ATP8A1: variants seen among roughly 807,000 people sequenced by gnomAD.
ATP8A1 encodes phospholipid-transporting ATPase IA.
Under a neutral mutation model 177.7 loss-of-function variants are expected in ATP8A1, and 90 were observed. That is an observed-to-expected ratio of 0.51 (90% CI 0.43 to 0.60). The LOEUF is 0.60. Among genes scored for constraint, ATP8A1 ranks in the 20% least tolerant of loss-of-function variants. ATP8A1 has a pLI of 0.00. For synonymous variants in ATP8A1, 493 were observed against 485.9 expected (o/e 1.01, Z -0.19); for missense variants, 1,072 against 1,392.8 (o/e 0.77, Z 3.67).
chr4:42,468,392 G>C (rs566928350), intron 25 of ATP8A1, among the ~76,000 whole-genome samples: 18 of 151,580 alleles, frequency 1.2e-4, no homozygotes, highest in African/African-American at 4.4e-4. Context: ...ATGTATGTGT[G>C]TGTATATATT....
At chr4:42,528,318 AAAATAGT>A (rs1295321399) in intron 20 of ATP8A1, among the ~76,000 whole-genome samples, 2 of 152,182 alleles carry the variant, frequency 1.3e-5, no homozygotes, top group Admixed American at 1.3e-4. Flanking sequence ...TCTCCCTAGA[AAAATAGT>A]AAATCAAAAA....
At chr4:42,616,385 G>A (rs918966983) in intron 4 of ATP8A1, among the ~76,000 whole-genome samples, 1 of 152,134 alleles carries the variant, frequency 6.6e-6, no homozygotes, top group African/African-American at 2.4e-5. Flanking sequence ...AAATTTTAAT[G>A]TACTAGAAAA....
At position 42,645,215 on chromosome 4, in the gene ATP8A1, G is replaced by T. The variant is rs573481979; in HGVS notation, c.49+11610C>A. On this transcript the variant is annotated intron_variant, in intron 1 of 36. Coordinates refer to ENST00000381668, the MANE Select transcript of ATP8A1 (RefSeq NM_006095.2). ...TCAAAACCTAATAAATAGTATTAAT[G>T]TATGACCTTGATCATTTCTGAGAGG... 9.9e-5 allele frequency among the ~76,000 whole-genome samples: 15 copies of T among 152,248 alleles called. No individual in the cohort carries two copies. The South Asian group carries it at 2.9e-3, about 30-fold the overall frequency.
intron 20 of ATP8A1, among the ~76,000 whole-genome samples, chr4:42,535,896 TAA>T (rs1250305208): frequency 6.6e-6 from 1 of 152,084 alleles, no homozygotes; most frequent in Non-Finnish European, 1.5e-5. Context: ...AGATGGAAAT[TAA>T]AAAATGACTT....
intron 30 of ATP8A1, 129 bp downstream of exon 30, chr4:42,451,852 G>A: frequency 1.8e-6 from 1 of 556,500 alleles, no homozygotes; most frequent in Non-Finnish European, 3.0e-6. Flanking sequence ...ATTTTTGGGT[G>A]CATGCATTTT....
At chr4:42,559,406 T>G (rs1730585090) in intron 15 of ATP8A1, among the ~76,000 whole-genome samples, 1 of 152,188 alleles carries the variant, frequency 6.6e-6, no homozygotes, top group Non-Finnish European at 1.5e-5. Context: ...ATATATACAT[T>G]CAACTTTACC....
chr4:42,516,659 C>T (rs1208578772), intron 22 of ATP8A1, among the ~76,000 whole-genome samples: 11 of 152,088 alleles, frequency 7.2e-5, no homozygotes, highest in Admixed American at 1.3e-4. Flanking sequence ...ATGTATTCCA[C>T]GAAGGCACGC....
chr4:42,524,752 ATTACAC>A lies in ATP8A1; in HGVS notation c.1807+5_1807+10del, dbSNP rs748822586. On this transcript the variant is annotated splice_donor_5th_base_variant and intron_variant, in intron 21 of 36. Transcript: ENST00000381668. ...TATTTTAATCATGCTTTATTGCCAAATTACACTTACCTTCTGTAGCAAACTGCTCTA... is the reference window on the plus strand; with the variant it reads ...TATTTTAATCATGCTTTATTGCCAAATTACCTTCTGTAGCAAACTGCTCTA... 1.3e-5 allele frequency: 20 copies of A among 1,578,116 alleles called. No homozygotes were observed. The African/African-American group carries it at 1.6e-4, about 13-fold the overall frequency.
Position 42,464,750 on chromosome 4 carries a change from G to T in ATP8A1, c.2559C>A (p.Asn853Lys). ...LLMIHGAWNYNRVSKCILYCF... is the reference protein window; with the variant it reads ...LLMIHGAWNYKRVSKCILYCF... Reference sequence around the variant, plus strand: ...AGTATAAGATGCACTTGGAGACTCTGTTATAGTTCCAGGCACCATGAATCA... The same window carrying T: ...AGTATAAGATGCACTTGGAGACTCTTTTATAGTTCCAGGCACCATGAATCA... Residue 853 changes from asparagine (N) to lysine (K), a missense_variant, in exon 27 of 37, where the codon AAC (asparagine) becomes AAA (lysine). Coordinates refer to ENST00000381668, the MANE Select transcript of ATP8A1 (RefSeq NM_006095.2). 1 of 1,613,750 alleles carries T rather than the reference G, an allele frequency of 6.2e-7. No individual in the cohort carries two copies. Among genetic ancestry groups the T allele is most frequent in the Non-Finnish European group, 8.5e-7 (1 of 1,179,684 alleles).
intron 25 of ATP8A1, among the ~76,000 whole-genome samples, chr4:42,471,111 C>T (rs1720354520): frequency 6.6e-6 from 1 of 152,192 alleles, no homozygotes; most frequent in African/African-American, 2.4e-5. Context: ...TTGTTAACTC[C>T]TCTAGAAGCT....
chr4:42,604,389 T>C (rs1735588462), intron 5 of ATP8A1, among the ~76,000 whole-genome samples: 1 of 151,550 alleles, frequency 6.6e-6, no homozygotes, highest in African/African-American at 2.4e-5. Context: ...TTCCCTATTA[T>C]ACTCACTGTT....
intron 15 of ATP8A1, among the ~76,000 whole-genome samples, chr4:42,563,826 G>A (rs1731086099): frequency 6.6e-6 from 1 of 152,214 alleles, no homozygotes. Flanking sequence ...CAGGCGTGGT[G>A]GCTCATATCT....
At chr4:42,484,191 A>C (rs1476343342) in intron 25 of ATP8A1, among the ~76,000 whole-genome samples, 2 of 152,236 alleles carry the variant, frequency 1.3e-5, no homozygotes, top group Non-Finnish European at 2.9e-5. Context: ...GTAAATTTTA[A>C]AAAGCATGAG....
At chr4:42,564,260 C>G (rs563554833) in intron 15 of ATP8A1, among the ~76,000 whole-genome samples, 4 of 152,142 alleles carry the variant, frequency 2.6e-5, no homozygotes, top group Non-Finnish European at 4.4e-5. Flanking sequence ...CAGAGCCCCC[C>G]CCAACAGAGT....
chr4:42,569,387 G>A (rs1731686972), intron 14 of ATP8A1, among the ~76,000 whole-genome samples, 182 bp from the exon 15 acceptor site: 1 of 152,180 alleles, frequency 6.6e-6, no homozygotes, highest in South Asian at 2.1e-4. Flanking sequence ...ATGATTCATG[G>A]TAGCTCAGCA....
chr4:42,553,984 T>C (rs970964799), intron 16 of ATP8A1, among the ~76,000 whole-genome samples: 1 of 151,716 alleles, frequency 6.6e-6, no homozygotes, highest in Non-Finnish European at 1.5e-5. Flanking sequence ...TTTTAGAAAA[T>C]AAAAGGCAGC....
intron 14 of ATP8A1, among the ~76,000 whole-genome samples, chr4:42,572,295 C>T (rs1731987964): frequency 6.6e-6 from 1 of 152,136 alleles, no homozygotes; most frequent in African/African-American, 2.4e-5. Flanking sequence ...CAGGTCATTT[C>T]CCCCATCTGG....
chr4:42,409,237 T>G lies in ATP8A1; in HGVS notation c.*3679A>C, dbSNP rs1712312646. ...ACCATAAACCTATCAAAAACACAGC[T>G]GTTCTCATACAGAAAGTAAATCAAG... On this transcript the variant is annotated 3_prime_UTR_variant, in exon 37 of 37. Transcript: ENST00000381668. 1 of 152,212 alleles carries G rather than the reference T, an allele frequency of 6.6e-6. No individual in the cohort carries two copies. The highest frequency in any genetic ancestry group is 6.5e-5 in the Admixed American group (1 of 15,276). The allele number at this position is 152,212 out of a possible 1,614,324, so 9.4% of individuals were successfully genotyped here.
intron 22 of ATP8A1, among the ~76,000 whole-genome samples, chr4:42,510,991 T>G (rs891950203): frequency 5.3e-5 from 8 of 152,176 alleles, no homozygotes; most frequent in South Asian, 2.1e-4. Context: ...TTAAGAAGAA[T>G]AATAAAACAT....
Sources: allele counts gnomAD v4.1 joint callset (sites outside exome capture counted in the v4.1 genomes callset), GRCh38; gene constraint gnomAD v4.1.1; transcripts MANE v1.5; gene names NCBI Gene and HGNC (gene_info 2026-07-23, HGNC 2026-07-21).